TUSC3: variants seen among roughly 807,000 people sequenced by gnomAD.
TUSC3 encodes the protein tumor suppressor candidate 3.
In TUSC3, 45 loss-of-function variants were observed where a neutral mutation model predicts 44.8. The observed-to-expected ratio is 1.00, with a 90% CI of 0.79 to 1.29. TUSC3 has a LOEUF of 1.29. TUSC3 is among the 50% of genes most tolerant of loss of function. TUSC3 has a pLI of 0.00. For missense variants in TUSC3, 519 were observed against 437.9 expected (o/e 1.19, Z -1.65); for synonymous variants, 212 against 152.9 (o/e 1.39, Z -2.85).
At chr8:15,534,637 G>C (rs1325193705) in intron 2 of TUSC3, among the ~76,000 whole-genome samples, 1 of 111,462 alleles carries the variant, frequency 9.0e-6, no homozygotes, top group Non-Finnish European at 2.1e-5. Flanking sequence ...AGCGAGACTC[G>C]GTCTTTAAAA....
Position 15,607,613 on chromosome 8 carries a change from A to G in TUSC3, c.139-15467A>G, listed in dbSNP as rs191258894. On this transcript the variant is annotated intron_variant, in intron 1 of 10. Coordinates refer to ENST00000503731, the MANE Select transcript of TUSC3 (RefSeq NM_006765.4). ...GAGAGAATTTACACTGAATACCCAG[A>G]TATCGACTACCTAGATTCCACAATT... Among the ~76,000 whole-genome samples, 217 of 152,302 alleles carry G rather than the reference A, an allele frequency of 1.4e-3. 1 individual carries two copies. Among genetic ancestry groups the G allele is most frequent in the African/African-American group, 5.0e-3 (206 of 41,586 alleles).
the TUSC3 span, among the ~76,000 whole-genome samples, chr8:15,834,363 T>C: frequency 6.6e-6 from 1 of 152,148 alleles, no homozygotes. Flanking sequence ...TCTTGTCTCA[T>C]TGTGTTGAAT....
At chr8:15,705,354 T>C (rs568930032) in intron 6 of TUSC3, among the ~76,000 whole-genome samples, 1 of 152,226 alleles carries the variant, frequency 6.6e-6, no homozygotes, top group Non-Finnish European at 1.5e-5. Context: ...AAATTATTGT[T>C]ATGGAAAACC....
intron 6 of TUSC3, among the ~76,000 whole-genome samples, chr8:15,688,755 C>A (rs760953165): frequency 1.3e-5 from 2 of 152,112 alleles, no homozygotes; most frequent in Non-Finnish European, 2.9e-5. Context: ...AGGGAGGACA[C>A]AGTTGAAGGA....
chr8:15,755,765 C>A (rs1012972611), intron 9 of TUSC3, among the ~76,000 whole-genome samples: 6 of 151,886 alleles, frequency 4.0e-5, no homozygotes, highest in African/African-American at 1.5e-4. Flanking sequence ...GTGTTATGTT[C>A]AGAAAGGAAG....
intron 1 of TUSC3, among the ~76,000 whole-genome samples, chr8:15,479,507 G>C (rs1281850510): frequency 6.6e-6 from 1 of 152,114 alleles, no homozygotes; most frequent in Non-Finnish European, 1.5e-5. Flanking sequence ...TATATGGCTA[G>C]CCAGTTTTCA....
the TUSC3 span, among the ~76,000 whole-genome samples, chr8:15,839,919 C>G: frequency 3.3e-5 from 5 of 152,314 alleles, no homozygotes; most frequent in East Asian, 9.6e-4. Context: ...TATAAAGGCA[C>G]ATGCACACAT....
chr8:15,469,430 A>G (rs1227397550), intron 1 of TUSC3, among the ~76,000 whole-genome samples: 1 of 152,362 alleles, frequency 6.6e-6, no homozygotes, highest in Non-Finnish European at 1.5e-5. Context: ...TCATCATGAA[A>G]AATGCAAATT....
chr8:15,518,461 T>C (rs977696936), intron 2 of TUSC3, among the ~76,000 whole-genome samples: 1 of 152,198 alleles, frequency 6.6e-6, no homozygotes, highest in African/African-American at 2.4e-5. Context: ...CTTCTCTGTA[T>C]TAAAGGAACT....
At chr8:15,508,925 C>G (rs1000286478) in intron 2 of TUSC3, among the ~76,000 whole-genome samples, 1 of 152,160 alleles carries the variant, frequency 6.6e-6, no homozygotes. Context: ...CTCCAGTTTA[C>G]CAAATAGGAA....
At chr8:15,464,448 A>C (rs1430939205) in intron 1 of TUSC3, among the ~76,000 whole-genome samples, 1 of 152,202 alleles carries the variant, frequency 6.6e-6, no homozygotes, top group Non-Finnish European at 1.5e-5. Flanking sequence ...TTGTGAATCT[A>C]GGCATAATAG....
At chr8:15,423,187 C>A (rs1328499637) in intron 1 of TUSC3, among the ~76,000 whole-genome samples, 1 of 152,092 alleles carries the variant, frequency 6.6e-6, no homozygotes, top group Non-Finnish European at 1.5e-5. Context: ...CATGTACAAG[C>A]ACAGGTTCAG....
chr8:15,488,344 T>A (rs927785771), intron 2 of TUSC3, among the ~76,000 whole-genome samples: 2 of 149,774 alleles, frequency 1.3e-5, no homozygotes, highest in Non-Finnish European at 3.0e-5. Context: ...AAAAAAAAAA[T>A]TAAAATAAAT....
intron 3 of TUSC3, among the ~76,000 whole-genome samples, chr8:15,654,802 A>T (rs1807082108): frequency 2.0e-5 from 3 of 152,244 alleles, no homozygotes; most frequent in East Asian, 3.9e-4. Flanking sequence ...ATCTCAAAAA[A>T]AATAATAATA....
intron 1 of TUSC3, among the ~76,000 whole-genome samples, chr8:15,620,393 A>T (rs1805192231): frequency 6.6e-6 from 1 of 152,228 alleles, no homozygotes; most frequent in South Asian, 2.1e-4. Context: ...ACATATAGTT[A>T]GAATTCTACA....
At chr8:15,824,652 A>T in the TUSC3 span, among the ~76,000 whole-genome samples, 2 of 152,140 alleles carry the variant, frequency 1.3e-5, no homozygotes, top group African/African-American at 4.8e-5. Context: ...AGATATACCT[A>T]ATGTTAAATG....
rs577642081 is a variant in TUSC3, at chr8:15,715,389, CTCT to C, written c.799-15268_799-15266del. Among the ~76,000 whole-genome samples the C allele has an allele frequency of 2.6e-4, 40 of 152,186 alleles. No homozygotes were observed. The South Asian group carries it at 5.4e-3, about 20-fold the overall frequency. ...AAAATACCTTATTGTACTATACCCA[CTCT>C]TCTTCTTCCTGTGATCTGTCAACCT... On this transcript the variant is annotated intron_variant, in intron 6 of 10. Coordinates refer to ENST00000503731, the MANE Select transcript of TUSC3 (RefSeq NM_006765.4).
At chr8:15,589,193 A>T (rs550749363) in intron 1 of TUSC3, among the ~76,000 whole-genome samples, 1 of 152,126 alleles carries the variant, frequency 6.6e-6, no homozygotes, top group Non-Finnish European at 1.5e-5. Flanking sequence ...CTTTGAGCCT[A>T]TATGTGTCTT....
the TUSC3 span, among the ~76,000 whole-genome samples, chr8:15,797,195 G>C: frequency 6.6e-6 from 1 of 152,208 alleles, no homozygotes; most frequent in Non-Finnish European, 1.5e-5. Flanking sequence ...GCGTATTTCA[G>C]TTCGCTGAAC....
Sources: gnomAD v4.1 joint callset for allele counts (sites outside exome capture counted in the v4.1 genomes callset) on GRCh38, gnomAD v4.1.1 for gene constraint, MANE v1.5 for transcripts, NCBI Gene and HGNC (gene_info 2026-07-23, HGNC 2026-07-21) for gene names.